RAPGEF5: variants seen among roughly 807,000 people sequenced by gnomAD.
RAPGEF5 encodes Rap guanine nucleotide exchange factor 5.
Under a neutral mutation model 125.2 loss-of-function variants are expected in RAPGEF5, and 65 were observed. The ratio of observed to expected loss-of-function variants is 0.52; its 90% CI spans 0.43 to 0.64. The LOEUF is 0.64. Ranked by LOEUF, RAPGEF5 falls within the 30% of genes least tolerant of loss-of-function variation. The pLI is 0.00. For missense variants in RAPGEF5, 958 were observed against 1,048.1 expected, an observed-to-expected ratio of 0.91 and a Z score of 1.19; for synonymous variants, 391 against 385.9, an observed-to-expected ratio of 1.01 and a Z score of -0.16.
At chr7:22,146,751 C>T (rs1437192357) in intron 19 of RAPGEF5, 146 bp downstream of exon 19, 1 of 1,041,114 alleles carries the variant, frequency 9.6e-7, no homozygotes. Flanking sequence ...AGAATTGAGT[C>T]AGTCTTTCAA....
At chr7:22,286,293 C>A (rs1782795114) in intron 6 of RAPGEF5, among the ~76,000 whole-genome samples, 2 of 152,186 alleles carry the variant, frequency 1.3e-5, no homozygotes, top group Admixed American at 6.5e-5. Context: ...CTCCCTGTCC[C>A]TTTATAAGGA....
intron 9 of RAPGEF5, among the ~76,000 whole-genome samples, chr7:22,215,431 C>T (rs1785613194): frequency 6.6e-6 from 1 of 152,144 alleles, no homozygotes; most frequent in Non-Finnish European, 1.5e-5. Flanking sequence ...TCTTCAAACT[C>T]CTATGTGTCT....
intron 11 of RAPGEF5, among the ~76,000 whole-genome samples, chr7:22,181,131 GCTCT>G (rs1160548435): frequency 3.3e-5 from 5 of 152,068 alleles, no homozygotes; most frequent in African/African-American, 7.2e-5. Flanking sequence ...AGATCACTCT[GCTCT>G]CTCTTTTTTT....
intron 9 of RAPGEF5, among the ~76,000 whole-genome samples, chr7:22,219,572 A>G (rs1207201132): frequency 6.6e-6 from 1 of 151,842 alleles, no homozygotes; most frequent in Non-Finnish European, 1.5e-5. Flanking sequence ...ATCAAACTTG[A>G]AAGCCACCCA....
chr7:22,191,779 C>A, intron 11 of RAPGEF5: 1 of 403,764 alleles, frequency 2.5e-6, no homozygotes, highest in Non-Finnish European at 5.2e-6. Context: ...AACCTGTGAG[C>A]ACCTGAGCCA....
At chr7:22,294,584 TG>T (rs1325248777) in intron 5 of RAPGEF5, among the ~76,000 whole-genome samples, 1 of 152,196 alleles carries the variant, frequency 6.6e-6, no homozygotes, top group Non-Finnish European at 1.5e-5. Context: ...CAAAAAGCCC[TG>T]CCCTTCCTAT....
At chr7:22,307,627 C>T (rs1783372764) in intron 5 of RAPGEF5, among the ~76,000 whole-genome samples, 1 of 152,140 alleles carries the variant, frequency 6.6e-6, no homozygotes, top group African/African-American at 2.4e-5. Context: ...TCTGAACCTA[C>T]TTTCTTATCT....
chr7:22,143,724 C>T (rs569645119), intron 20 of RAPGEF5, among the ~76,000 whole-genome samples: 1 of 152,226 alleles, frequency 6.6e-6, no homozygotes, highest in Admixed American at 6.5e-5. Flanking sequence ...CCTGATCCTG[C>T]TTCCCACACC....
intron 7 of RAPGEF5, among the ~76,000 whole-genome samples, chr7:22,232,563 G>A (rs1203802579): frequency 6.6e-6 from 1 of 152,084 alleles, no homozygotes; most frequent in East Asian, 1.9e-4. Flanking sequence ...CAAGTGATTT[G>A]CCTGCCTTGG....
At chr7:22,201,933 T>C (rs77623107) in intron 9 of RAPGEF5, among the ~76,000 whole-genome samples, 1,622 of 152,236 alleles carry the variant, frequency 0.011, 32 homozygotes, top group African/African-American at 0.038. Flanking sequence ...TGGTTTGGTT[T>C]TACATCCAGA....
At chr7:22,187,476 G>A (rs868518276) in intron 11 of RAPGEF5, among the ~76,000 whole-genome samples, 1 of 152,196 alleles carries the variant, frequency 6.6e-6, no homozygotes, top group Non-Finnish European at 1.5e-5. Flanking sequence ...ATTCTTGGCT[G>A]TGAAACCTAA....
In RAPGEF5 at chr7:22,315,450, T is replaced by C. The variant is rs181819502; in HGVS notation, c.309A>G (p.Ala103=). Residue 103 remains alanine, a synonymous_variant, in exon 3 of 26, where the codon GCA becomes GCG. Coordinates refer to ENST00000665637, the MANE Select transcript of RAPGEF5 (RefSeq NM_012294.5). ...SQIYGENSSC[A]GRALRNIIIV... is the part of the protein sequence containing the mutation. ...TAATAATATTCCTCAATGCTCTTCC[T>C]GCACAAGAAGAATTCTCTCCATAAA... 17,611 of 1,512,720 alleles carry C rather than the reference T, an allele frequency of 0.012. 203 individuals carry two copies. The highest frequency in any genetic ancestry group is 0.013 in the Non-Finnish European group (14,370 of 1,132,028). The allele number at this position is 1,512,720 out of a possible 1,614,324, so 93.7% of individuals were successfully genotyped here. A position where few individuals can be genotyped will look rare whatever the true frequency, so the allele number is the denominator to read the frequency against.
Position 22,290,157 on chromosome 7 carries a change from T to A in RAPGEF5, c.747+1018A>T, listed in dbSNP as rs975386314. Among the ~76,000 whole-genome samples the A allele has an allele frequency of 1.5e-4, 23 of 152,230 alleles. 1 individual carries two copies. Among genetic ancestry groups the A allele is most frequent in the African/African-American group, 2.4e-5 (1 of 41,464 alleles). ...CAAGCTGTGCCCAGTTGACAAGACC[T>A]AGTGTATAAAACTCTGTACAGACCA... On this transcript the variant is annotated intron_variant, in intron 6 of 25. Coordinates refer to ENST00000665637, the MANE Select transcript of RAPGEF5 (RefSeq NM_012294.5).
chr7:22,172,514 T>G (rs77218175), intron 11 of RAPGEF5, among the ~76,000 whole-genome samples: 11,015 of 152,248 alleles, frequency 0.072, 462 homozygotes, highest in Middle Eastern at 0.13. Flanking sequence ...AATTAAAACA[T>G]TTTTCTCTGT....
chr7:22,186,719 C>A (rs886248889), intron 11 of RAPGEF5, among the ~76,000 whole-genome samples: 4 of 152,016 alleles, frequency 2.6e-5, no homozygotes, highest in African/African-American at 4.8e-5. Flanking sequence ...CTAAAATTCA[C>A]AGTTACATTT....
At chr7:22,159,570 C>T (rs1054122438) in intron 14 of RAPGEF5, among the ~76,000 whole-genome samples, 2 of 152,138 alleles carry the variant, frequency 1.3e-5, no homozygotes, top group African/African-American at 4.8e-5. Context: ...ACAATTTTCC[C>T]TTTTAGATGA....
At chr7:22,235,298 C>T (rs1199800825) in intron 7 of RAPGEF5, among the ~76,000 whole-genome samples, 3 of 152,152 alleles carry the variant, frequency 2.0e-5, no homozygotes, top group Non-Finnish European at 4.4e-5. Context: ...AAATCACCCC[C>T]ATTTTACAGA....
chr7:22,290,330 G>C (rs566023566), intron 6 of RAPGEF5, among the ~76,000 whole-genome samples: 1 of 152,332 alleles, frequency 6.6e-6, no homozygotes. Context: ...TGGTGACGTA[G>C]GATTGCTAGA....
chr7:22,264,972 CT>C (rs1487422371), intron 7 of RAPGEF5, among the ~76,000 whole-genome samples: 1 of 151,982 alleles, frequency 6.6e-6, no homozygotes, highest in South Asian at 2.1e-4. Context: ...CTCCTGCAAT[CT>C]TTTTTTTAGA....
Sources: gnomAD v4.1 joint callset for allele counts (sites outside exome capture counted in the v4.1 genomes callset) on GRCh38, gnomAD v4.1.1 for gene constraint, MANE v1.5 for transcripts, NCBI Gene and HGNC (gene_info 2026-07-23, HGNC 2026-07-21) for gene names.